NPIPA5: variants seen among roughly 807,000 people sequenced by gnomAD.
The protein encoded by NPIPA5 is nuclear pore complex-interacting protein family member A5.
Under a neutral mutation model 21.4 loss-of-function variants are expected in NPIPA5, and 6 were observed. The observed-to-expected ratio is 0.28, with a 90% CI of 0.15 to 0.55. The LOEUF (loss-of-function observed/expected upper bound fraction) is 0.55, where lower values mean the gene tolerates loss of function less well. Among genes scored for constraint, NPIPA5 ranks in the 20% least tolerant of loss-of-function variants. NPIPA5 has a pLI of 0.93. For synonymous variants in NPIPA5, 33 were observed against 115.3 expected, an observed-to-expected ratio of 0.29 and a Z score of 4.57; for missense variants, 99 against 318.2, an observed-to-expected ratio of 0.31 and a Z score of 5.24.
intron 2 of NPIPA5, among the ~76,000 whole-genome samples, chr16:15,370,541 C>G (rs934072958): frequency 6.9e-6 from 1 of 144,954 alleles, no homozygotes; most frequent in Non-Finnish European, 1.5e-5. Context: ...CACCTGAGGT[C>G]GGGAGTTTGA....
At chr16:15,377,625 G>A (rs1428656133) in intron 1 of NPIPA5, among the ~76,000 whole-genome samples, 2 of 127,282 alleles carry the variant, frequency 1.6e-5, no homozygotes, top group East Asian at 5.2e-4. Context: ...GATCTGAGTT[G>A]GGGAGGGGGA....
At chr16:15,367,282 C>T (rs2050001964) in intron 4 of NPIPA5, among the ~76,000 whole-genome samples, 4 of 152,134 alleles carry the variant, frequency 2.6e-5, no homozygotes, top group Admixed American at 2.0e-4. Flanking sequence ...GTCATTAACC[C>T]TGCAGTTCAC....
chr16:15,366,935 A>G (rs1198324148), intron 4 of NPIPA5, among the ~76,000 whole-genome samples, 175 bp from the exon 5 acceptor site: 3 of 152,102 alleles, frequency 2.0e-5, no homozygotes, highest in South Asian at 2.1e-4. Flanking sequence ...GGGATAAAAA[A>G]AAATCACACT....
chr16:15,370,921 C>A (rs2050139833), intron 2 of NPIPA5, among the ~76,000 whole-genome samples: 1 of 139,160 alleles, frequency 7.2e-6, no homozygotes, highest in African/African-American at 2.6e-5. Flanking sequence ...GTGGCGCACG[C>A]CTGTAGTCCC....
At chr16:15,380,965 A>G (rs1299532305), upstream of NPIPA5, 2 of 1,463,390 alleles carry the variant, frequency 1.4e-6, no homozygotes, top group Admixed American at 2.2e-5. Context: ...CACTGACTTT[A>G]CGTGCTGCTG....
intron 2 of NPIPA5, among the ~76,000 whole-genome samples, chr16:15,373,408 G>T (rs71257898): frequency 2.7e-5 from 4 of 146,846 alleles, no homozygotes; most frequent in African/African-American, 1.0e-4. Flanking sequence ...TAAAGCAGAA[G>T]AGTTTAGAAA....
chr16:15,381,495 A>G (rs937769184), upstream of NPIPA5: 2 of 980,468 alleles, frequency 2.0e-6, no homozygotes, highest in African/African-American at 3.5e-5. Context: ...ACTAATTATA[A>G]CCCTGTTTAA....
intron 4 of NPIPA5, among the ~76,000 whole-genome samples, chr16:15,368,094 G>C (rs1488238061): frequency 2.6e-5 from 3 of 115,876 alleles, no homozygotes; most frequent in African/African-American, 1.0e-4. Flanking sequence ...CCTCGCATTT[G>C]GAACCCATTT....
chr16:15,368,345 T>A (rs979966487), intron 4 of NPIPA5, among the ~76,000 whole-genome samples: 1 of 151,930 alleles, frequency 6.6e-6, no homozygotes, highest in Non-Finnish European at 1.5e-5. Context: ...ACGACCTCAA[T>A]TGCAGCCTGT....
chr16:15,375,341 T>C (rs1187897158), intron 1 of NPIPA5, among the ~76,000 whole-genome samples: 1 of 128,988 alleles, frequency 7.8e-6, no homozygotes, highest in African/African-American at 2.7e-5. Context: ...TACTTCTCTC[T>C]TGGATTATAT....
At chr16:15,379,514 C>A (rs998933278), upstream of NPIPA5, among the ~76,000 whole-genome samples, 3 of 151,864 alleles carry the variant, frequency 2.0e-5, no homozygotes, top group African/African-American at 7.2e-5. Flanking sequence ...CTGCAGTGAG[C>A]CGAGATTGCA....
At chr16:15,369,008 G>A (rs952783643) in intron 4 of NPIPA5, among the ~76,000 whole-genome samples, 4 of 136,062 alleles carry the variant, frequency 2.9e-5, no homozygotes, top group African/African-American at 8.0e-5. Context: ...AAAAAAAATT[G>A]GCCGAATGTG....
At chr16:15,370,751 CAAA>C (rs1307591913) in intron 2 of NPIPA5, among the ~76,000 whole-genome samples, 3 of 104,590 alleles carry the variant, frequency 2.9e-5, no homozygotes, top group Admixed American at 1.1e-4. Flanking sequence ...AACTCTGTCT[CAAA>C]AAAAAAAAAA....
intron 4 of NPIPA5, among the ~76,000 whole-genome samples, chr16:15,368,754 G>A (rs1299548691): frequency 7.8e-6 from 1 of 128,896 alleles, no homozygotes; most frequent in Admixed American, 8.7e-5. Flanking sequence ...GCCGAGGTGT[G>A]CGGATCATGA....
chr16:15,380,172 T>C (rs1207821778), upstream of NPIPA5, among the ~76,000 whole-genome samples: 1 of 152,042 alleles, frequency 6.6e-6, no homozygotes, highest in Non-Finnish European at 1.5e-5. Flanking sequence ...AAATATGTAT[T>C]ACATGTTGTA....
At position 15,366,826 on chromosome 16, in the gene NPIPA5, G is replaced by T. The variant is rs1254601549; in HGVS notation, c.438-66C>A. On this transcript the variant is annotated intron_variant, in intron 4 of 7. Transcript: ENST00000360151. ...GTGTGGGATTCCCTCTGCCCTTCTG[G>T]CATCTGAAGGCTGTGATTCAAAGAT... The T allele has an allele frequency of 6.1e-5, 92 of 1,511,716 alleles. No homozygotes were observed. The Middle Eastern group carries it at 7.0e-4, about 11-fold the overall frequency. 93.6% of individuals were successfully genotyped at this position (1,511,716 alleles called of 1,614,324 possible).
chr16:15,375,741 C>CA (rs1268411508), intron 1 of NPIPA5, among the ~76,000 whole-genome samples: 10,706 of 61,352 alleles, frequency 0.17, 560 homozygotes, highest in East Asian at 0.38. Flanking sequence ...GACTCTGTCT[C>CA]AAAAAAAAAA....
intron 4 of NPIPA5, among the ~76,000 whole-genome samples, chr16:15,367,199 G>T (rs559619552): frequency 7.2e-5 from 11 of 152,246 alleles, no homozygotes; most frequent in Admixed American, 2.0e-4. Context: ...TCCTGTGTGA[G>T]ACTGATTCTC....
chr16:15,371,560 T>C (rs2050155753), intron 2 of NPIPA5, among the ~76,000 whole-genome samples: 1 of 145,306 alleles, frequency 6.9e-6, no homozygotes, highest in Non-Finnish European at 1.5e-5. Context: ...TGAAGTGCAG[T>C]GGCGCTACCT....
Sources: allele counts gnomAD v4.1 joint callset (sites outside exome capture counted in the v4.1 genomes callset), GRCh38; gene constraint gnomAD v4.1.1; transcripts MANE v1.5; gene names NCBI Gene and HGNC (gene_info 2026-07-23, HGNC 2026-07-21).